Variants in RNF10 observed in about 807,000 individuals in gnomAD.
The protein encoded by RNF10 is ring finger protein 10.
Under a neutral mutation model 91.4 loss-of-function variants are expected in RNF10, and 38 were observed. That is an observed-to-expected ratio of 0.42 (90% CI 0.32 to 0.54). The LOEUF (loss-of-function observed/expected upper bound fraction) is 0.54. Among genes scored for constraint, RNF10 ranks in the 20% least tolerant of loss-of-function variants. The pLI, the probability that RNF10 is intolerant of heterozygous loss-of-function variation, is 0.16. For missense variants in RNF10, 945 were observed against 1,012.0 expected, an observed-to-expected ratio of 0.93 and a Z score of 0.90; for synonymous variants, 364 against 366.3, an observed-to-expected ratio of 0.99 and a Z score of 0.07.
At chr12:120,552,044 A>T (rs1284730900) in intron 2 of RNF10, among the ~76,000 whole-genome samples, 1 of 143,414 alleles carries the variant, frequency 7.0e-6, no homozygotes, top group Non-Finnish European at 1.5e-5. Flanking sequence ...AGGTCGCGCC[A>T]CTGCACTCCA....
chr12:120,567,700 CAAA>C (rs34775380), intron 13 of RNF10, among the ~76,000 whole-genome samples: 116 of 119,554 alleles, frequency 9.7e-4, no homozygotes, highest in East Asian at 9.3e-4. Context: ...GACTTTGTCT[CAAA>C]AAAAAAAAAA....
Position 120,577,431 on chromosome 12 carries a change from C to G in RNF10, c.*765C>G, listed in dbSNP as rs573448320. 3.5e-6 allele frequency: 1 copy of G among 288,528 alleles called. No individual in the cohort carries two copies. Among genetic ancestry groups the G allele is most frequent in the Non-Finnish European group, 6.8e-6 (1 of 147,138 alleles). 17.9% of individuals were successfully genotyped at this position (288,528 alleles called of 1,614,324 possible). ...TGCAGGAGAGCAGGGCCATCTGAAG[C>G]GGTAGCATTGCCACCATCTCCCTCT... is the stretch of plus-strand genomic sequence containing the variant. On this transcript the variant is annotated 3_prime_UTR_variant, in exon 17 of 17. Coordinates refer to ENST00000325954, the MANE Select transcript of RNF10 (RefSeq NM_014868.5).
In RNF10 at chr12:120,577,094, C is replaced by A. The variant is rs1593128000; in HGVS notation, c.*428C>A. The A allele has an allele frequency of 2.3e-6, 1 of 425,926 alleles. No homozygotes were observed. The highest frequency in any genetic ancestry group is 7.0e-5 in the East Asian group (1 of 14,244). The allele number at this position is 425,926 out of a possible 1,614,324, so 26.4% of individuals were successfully genotyped here. Reference sequence around the variant, plus strand: ...ACCTCTCAGTTTGTCTTTTAAAAAACAGCTGAATCTTTACTACCTATTTAG... The same window carrying A: ...ACCTCTCAGTTTGTCTTTTAAAAAAAAGCTGAATCTTTACTACCTATTTAG... On this transcript the variant is annotated 3_prime_UTR_variant, in exon 17 of 17. Transcript: ENST00000325954.
chr12:120,553,690 A>G (rs1416770262), intron 3 of RNF10, among the ~76,000 whole-genome samples: 1 of 152,096 alleles, frequency 6.6e-6, no homozygotes, highest in Non-Finnish European at 1.5e-5. Context: ...GGCGTGAGCC[A>G]CGGCACCCAA....
At chr12:120,539,409 T>G in intron 1 of RNF10, 7 of 1,289,046 alleles carry the variant, frequency 5.4e-6, no homozygotes, top group Non-Finnish European at 7.1e-6. Context: ...GTCAGTTGAT[T>G]CTGTAGTAAG....
chr12:120,559,355 T>C (rs937715983), intron 6 of RNF10, among the ~76,000 whole-genome samples: 1 of 150,834 alleles, frequency 6.6e-6, no homozygotes, highest in African/African-American at 2.4e-5. Context: ...CTAATTTTTG[T>C]TTTTTTTGTG....
At chr12:120,538,599 A>G (rs916519953) in intron 1 of RNF10, among the ~76,000 whole-genome samples, 10 of 152,184 alleles carry the variant, frequency 6.6e-5, no homozygotes, top group South Asian at 4.1e-4. Flanking sequence ...AATATAGCTC[A>G]GAGGAGAGAA....
Position 120,534,752 on chromosome 12 carries a change from G to C in RNF10, c.-60G>C. On this transcript the variant is annotated 5_prime_UTR_variant, in exon 1 of 17. Coordinates refer to ENST00000325954, the MANE Select transcript of RNF10 (RefSeq NM_014868.5). ...CCCCCGCCGGCCCTGAACGCCATGAGCCTGGGTCCCCGCCGCGCCCGCTCC... is the reference window on the plus strand; with the variant it reads ...CCCCCGCCGGCCCTGAACGCCATGACCCTGGGTCCCCGCCGCGCCCGCTCC... 1 of 1,510,874 alleles carries C rather than the reference G, an allele frequency of 6.6e-7. No homozygotes were observed. The highest frequency in any genetic ancestry group is 8.8e-7 in the Non-Finnish European group (1 of 1,137,524). 93.6% of individuals were successfully genotyped at this position (1,510,874 alleles called of 1,614,324 possible). A position where few individuals can be genotyped will look rare whatever the true frequency, so the allele number is the denominator to read the frequency against.
Position 120,554,732 on chromosome 12 carries a change from T to C in RNF10, c.569T>C (p.Val190Ala), listed in dbSNP as rs773284974. ...CCTATTTCTAGCTGCCAATTTGTGG[T>C]GTCTGAAGACCAAGACTACACAGCT... is the stretch of plus-strand genomic sequence containing the variant. ...LFLQANCQFV[V>A]SEDQDYTAHF... Residue 190 changes from valine (V) to alanine (A), a missense_variant, in exon 4 of 17, where the codon GTG becomes GCG. Physicochemically the swap from Val to Ala is moderately conservative, Grantham distance 64. Transcript: ENST00000325954. 6.2e-7 allele frequency: 1 copy of C among 1,613,626 alleles called. No individual in the cohort carries two copies.
In RNF10 at chr12:120,563,613, C is replaced by T. The variant is rs753199233; in HGVS notation, c.1521C>T (p.Tyr507=). The stretch of plus-strand genomic sequence containing the variant: ...GCCTCAGCAGCTCTCCTTGTTACTA[C>T]TTTTACCAAGGTGAGGGTGCCGGAA... ...FTRLSSSPCY[Y]FYQAEDGQHM... The change falls in exon 9 of 17, where the codon TAC becomes TAT. Residue 507 remains tyrosine (Y), a synonymous_variant. Coordinates refer to ENST00000325954, the MANE Select transcript of RNF10 (RefSeq NM_014868.5). 2 of 1,598,352 alleles carry T rather than the reference C, an allele frequency of 1.3e-6. No individual in the cohort carries two copies. The highest frequency in any genetic ancestry group is 1.7e-6 in the Non-Finnish European group (2 of 1,171,618).
intron 9 of RNF10, 27 bp from the exon 10 acceptor site, chr12:120,563,783 G>A: frequency 1.2e-6 from 2 of 1,613,280 alleles, no homozygotes; most frequent in Admixed American, 1.7e-5. Flanking sequence ...GCCAAGACTG[G>A]TGTGTGATAG....
rs1439677791 is a variant in RNF10 at position 120,534,495 on chromosome 12, C to T, written c.-317C>T. On this transcript the variant is annotated 5_prime_UTR_variant, in exon 1 of 17. Coordinates refer to ENST00000325954, the MANE Select transcript of RNF10 (RefSeq NM_014868.5). ...CCTGCCTCGCGGCGGGAGAGCGTGT[C>T]CGGCCGGCCGGCCGGCGGGGCTCGC... 4.4e-6 allele frequency: 1 copy of T among 227,024 alleles called. No individual in the cohort carries two copies. Among genetic ancestry groups the T allele is most frequent in the Non-Finnish European group, 8.4e-6 (1 of 118,858 alleles). The allele number at this position is 227,024 out of a possible 1,614,324, so 14.1% of individuals were successfully genotyped here. A position where few individuals can be genotyped will look rare whatever the true frequency, so the allele number is the denominator to read the frequency against.
chr12:120,565,038 C>CT, intron 10 of RNF10, 34 bp from the exon 11 acceptor site: 1 of 1,470,400 alleles, frequency 6.8e-7, no homozygotes. Flanking sequence ...GTTAGGCTTG[C>CT]TTTTGTTGAG....
intron 2 of RNF10, among the ~76,000 whole-genome samples, chr12:120,547,492 C>T (rs1872506068): frequency 6.6e-6 from 1 of 152,020 alleles, no homozygotes; most frequent in Admixed American, 6.6e-5. Context: ...GTGGATCTTA[C>T]TATGTTGTCT....
chr12:120,549,529 A>T (rs143915915), intron 2 of RNF10, among the ~76,000 whole-genome samples: 1,590 of 152,318 alleles, frequency 0.01, 29 homozygotes, highest in African/African-American at 0.037. Context: ...TCACAGCTGT[A>T]ATCCCAGCAC....
chr12:120,546,346 A>G, intron 1 of RNF10, 59 bp from the exon 2 acceptor site: 2 of 1,496,984 alleles, frequency 1.3e-6, no homozygotes, highest in Non-Finnish European at 1.8e-6. Context: ...GGTGGAGGGC[A>G]GTTGGCTAAG....
At chr12:120,561,847 T>C (rs1874878099) in intron 7 of RNF10, among the ~76,000 whole-genome samples, 1 of 152,198 alleles carries the variant, frequency 6.6e-6, no homozygotes, top group Admixed American at 6.5e-5. Context: ...CTACATAGAA[T>C]TAGAGCTGTC....
intron 2 of RNF10, 47 bp downstream of exon 2, chr12:120,546,648 G>A: frequency 6.6e-7 from 1 of 1,518,908 alleles, no homozygotes; most frequent in East Asian, 2.3e-5. Context: ...CATGAGATCT[G>A]ATCCCATCCC....
intron 3 of RNF10, 98 bp downstream of exon 3, chr12:120,552,796 A>T (rs1308091723): frequency 9.5e-7 from 1 of 1,048,484 alleles, no homozygotes; most frequent in Non-Finnish European, 1.4e-6. Context: ...TGTGGGAAAG[A>T]AGCAGAAAGG....
Sources: allele counts gnomAD v4.1 joint callset (sites outside exome capture counted in the v4.1 genomes callset), GRCh38; gene constraint gnomAD v4.1.1; transcripts MANE v1.5; gene names NCBI Gene and HGNC (gene_info 2026-07-23, HGNC 2026-07-21).